Variants in EML6 observed in about 807,000 individuals in gnomAD.
EML6 encodes EMAP like 6, also known as echinoderm microtubule-associated protein-like 6.
Under a neutral mutation model 240.1 loss-of-function variants are expected in EML6, and 154 were observed. The ratio of observed to expected loss-of-function variants is 0.64; its 90% confidence interval spans 0.56 to 0.73. EML6 has a LOEUF of 0.73. Ranked by LOEUF, EML6 falls within the 30% of genes least tolerant of loss-of-function variation. The pLI, the probability that EML6 is intolerant of heterozygous loss-of-function variation, is 0.00. For missense variants in EML6, 2,964 were observed against 2,474.6 expected, an observed-to-expected ratio of 1.20 and a Z score of -4.20; for synonymous variants, 1,148 against 899.0, an observed-to-expected ratio of 1.28 and a Z score of -4.95.
chr2:54,756,731 T>C (rs1413922276), intron 2 of EML6, among the ~76,000 whole-genome samples: 1 of 152,072 alleles, frequency 6.6e-6, no homozygotes, highest in Non-Finnish European at 1.5e-5. Flanking sequence ...TCTCTGATAC[T>C]CTGGGTCATT....
At chr2:54,792,641 C>G (rs1009716082) in intron 2 of EML6, among the ~76,000 whole-genome samples, 4 of 152,146 alleles carry the variant, frequency 2.6e-5, no homozygotes, top group African/African-American at 9.7e-5. Context: ...GAACTGTACA[C>G]TAAAGGGTGA....
intron 11 of EML6, among the ~76,000 whole-genome samples, chr2:54,856,275 C>T (rs1028862446): frequency 4.6e-5 from 7 of 152,272 alleles, no homozygotes; most frequent in East Asian, 1.9e-4. Context: ...GACACTGAAA[C>T]GAGGTAAAAT....
chr2:54,838,445 A>T (rs1669267625), intron 7 of EML6, among the ~76,000 whole-genome samples: 1 of 152,238 alleles, frequency 6.6e-6, no homozygotes, highest in South Asian at 2.1e-4. Flanking sequence ...TAAATACCTT[A>T]CCATGTCACA....
At chr2:54,859,419 C>T (rs1255999036) in intron 11 of EML6, 115 bp from the exon 12 acceptor site, 10 of 778,080 alleles carry the variant, frequency 1.3e-5, no homozygotes, top group South Asian at 6.9e-5. Flanking sequence ...GACGGAACAT[C>T]GTTTTCAGAT....
intron 17 of EML6, among the ~76,000 whole-genome samples, chr2:54,890,251 C>T (rs1456037358): frequency 6.6e-6 from 1 of 152,144 alleles, no homozygotes; most frequent in South Asian, 2.1e-4. Context: ...TTTTAATATG[C>T]TTTCAGATTC....
intron 2 of EML6, among the ~76,000 whole-genome samples, chr2:54,766,387 T>C (rs1668189030): frequency 6.6e-6 from 1 of 152,214 alleles, no homozygotes; most frequent in African/African-American, 2.4e-5. Flanking sequence ...ACCTTGATAC[T>C]TCTGAAGAAT....
chr2:54,862,045 C>T (rs577545314), intron 12 of EML6, among the ~76,000 whole-genome samples: 1 of 151,936 alleles, frequency 6.6e-6, no homozygotes, highest in African/African-American at 2.4e-5. Context: ...AATACTTTCT[C>T]TGAGGATTGG....
rs140041456 is a variant in EML6, at chr2:54,812,949, A to G, written c.198-283A>G. On this transcript the variant is annotated intron_variant, in intron 2 of 41. Transcript: ENST00000356458. ...CACAACATAAAGCAATTATAAAACT[A>G]TACAGACGATTTTAAATTGAATAAT... is the stretch of plus-strand genomic sequence containing the variant. Among the ~76,000 whole-genome samples the G allele has an allele frequency of 7.4e-3, 1,128 of 152,334 alleles. 4 individuals are homozygous for G. The highest frequency in any genetic ancestry group is 0.012 in the Non-Finnish European group (836 of 68,034).
At chr2:54,728,503 C>G (rs1683010083) in intron 2 of EML6, among the ~76,000 whole-genome samples, 1 of 152,198 alleles carries the variant, frequency 6.6e-6, no homozygotes, top group Non-Finnish European at 1.5e-5. Context: ...AGGGCACTGA[C>G]TTCGTTATCA....
At chr2:54,943,058 A>C (rs1454756759) in intron 28 of EML6, among the ~76,000 whole-genome samples, 2 of 151,968 alleles carry the variant, frequency 1.3e-5, no homozygotes, top group Non-Finnish European at 2.9e-5. Flanking sequence ...TGGCCCTCCA[A>C]GCTCCTCCAT....
chr2:54,753,181 G>A (rs1684251786), intron 2 of EML6, among the ~76,000 whole-genome samples: 1 of 152,190 alleles, frequency 6.6e-6, no homozygotes, highest in Non-Finnish European at 1.5e-5. Flanking sequence ...CCAAGACTTG[G>A]TATTGAATGT....
intron 11 of EML6, 66 bp downstream of exon 11, chr2:54,853,921 G>A (rs1670230337): frequency 2.0e-6 from 2 of 988,134 alleles, no homozygotes; most frequent in African/African-American, 1.6e-5. Context: ...TACAATTAAG[G>A]CTGATCTTCC....
intron 28 of EML6, among the ~76,000 whole-genome samples, chr2:54,943,337 G>C (rs1675525638): frequency 6.6e-6 from 1 of 151,970 alleles, no homozygotes; most frequent in South Asian, 2.1e-4. Flanking sequence ...GTCCATCCAT[G>C]CTCCCTCATC....
intron 41 of EML6, among the ~76,000 whole-genome samples, chr2:54,969,449 G>A (rs1225177645): frequency 6.6e-6 from 1 of 152,108 alleles, no homozygotes; most frequent in Non-Finnish European, 1.5e-5. Flanking sequence ...GGCCTGCCTG[G>A]GAGCCCCCAT....
At chr2:54,823,866 C>G (rs1668448888) in intron 5 of EML6, among the ~76,000 whole-genome samples, 1 of 148,214 alleles carries the variant, frequency 6.7e-6, no homozygotes, top group South Asian at 2.1e-4. Flanking sequence ...CTCTCTCTCT[C>G]TCTCTCTCTC....
chr2:54,949,493 T>TC (rs1395409312), intron 29 of EML6, among the ~76,000 whole-genome samples: 1 of 152,054 alleles, frequency 6.6e-6, no homozygotes, highest in Non-Finnish European at 1.5e-5. Flanking sequence ...AAGCCCAAGA[T>TC]CACCAAGCCA....
intron 28 of EML6, among the ~76,000 whole-genome samples, chr2:54,930,262 C>T (rs1374337316): frequency 6.6e-6 from 1 of 152,210 alleles, no homozygotes; most frequent in Non-Finnish European, 1.5e-5. Context: ...AACCCAAGCT[C>T]CAAATTCCAA....
At position 54,886,157 on chromosome 2, in the gene EML6, CTTCTTT is replaced by C. The variant is rs1400392988; in HGVS notation, c.2439-4894_2439-4889del. Reference sequence around the variant, plus strand: ...ATGTTTCCTTTTTTTTTTTTTTAACCTTCTTTTTTTTTTTTTTTTTTTTCTTGAGAT... The same window carrying C: ...ATGTTTCCTTTTTTTTTTTTTTAACCTTTTTTTTTTTTTTTTTCTTGAGAT... On this transcript the variant is annotated intron_variant, in intron 17 of 41. Coordinates refer to ENST00000356458, the MANE Select transcript of EML6 (RefSeq NM_001039753.4). Among the ~76,000 whole-genome samples the C allele has an allele frequency of 3.1e-4, 36 of 115,260 alleles. 3 individuals are homozygous for C. The highest frequency in any genetic ancestry group is 4.6e-3 in the Middle Eastern group (1 of 218). The allele number at this position is 115,260 out of a possible 152,430, so 75.6% of individuals were successfully genotyped here.
At chr2:54,893,140 T>C (rs1342632347) in intron 19 of EML6, among the ~76,000 whole-genome samples, 1 of 152,238 alleles carries the variant, frequency 6.6e-6, no homozygotes, top group Non-Finnish European at 1.5e-5. Flanking sequence ...GAGTGAAGGC[T>C]GTTCATTGGC....
Sources: gnomAD v4.1 joint callset for allele counts (sites outside exome capture counted in the v4.1 genomes callset) on GRCh38, gnomAD v4.1.1 for gene constraint, MANE v1.5 for transcripts, NCBI Gene and HGNC (gene_info 2026-07-23, HGNC 2026-07-21) for gene names.